The following TMEM132D variants were observed in gnomAD, a reference collection of about 807,000 sequenced individuals.
TMEM132D encodes mature OL transmembrane protein.
In TMEM132D, 21 loss-of-function variants were observed where a neutral mutation model predicts 62.3. The observed-to-expected ratio is 0.34, with a 90% CI of 0.24 to 0.49. The LOEUF (loss-of-function observed/expected upper bound fraction) is 0.49, where lower values mean the gene tolerates loss of function less well. Among genes scored for constraint, TMEM132D ranks in the 20% least tolerant of loss-of-function variants. TMEM132D has a pLI of 0.99. For synonymous variants in TMEM132D, 621 were observed against 575.6 expected, an observed-to-expected ratio of 1.08 and a Z score of -1.13; for missense variants, 1,346 against 1,402.8, an observed-to-expected ratio of 0.96 and a Z score of 0.65.
intron 2 of TMEM132D, among the ~76,000 whole-genome samples, chr12:129,548,609 T>C (rs954276425): frequency 5.9e-5 from 9 of 152,166 alleles, no homozygotes; most frequent in African/African-American, 2.2e-4. Flanking sequence ...TAGAACCAGC[T>C]ATCCAACATC....
chr12:129,334,532 A>G (rs1869213868), intron 4 of TMEM132D, among the ~76,000 whole-genome samples: 1 of 152,216 alleles, frequency 6.6e-6, no homozygotes, highest in South Asian at 2.1e-4. Flanking sequence ...GGTAGATCAG[A>G]CAGCAGTCTG....
intron 2 of TMEM132D, among the ~76,000 whole-genome samples, chr12:129,598,459 C>T (rs1878400727): frequency 6.6e-6 from 1 of 152,160 alleles, no homozygotes; most frequent in African/African-American, 2.4e-5. Flanking sequence ...AGCACGTTCC[C>T]AGCTCTACTG....
intron 1 of TMEM132D, among the ~76,000 whole-genome samples, chr12:129,750,169 T>C (rs1461123160): frequency 6.6e-6 from 1 of 152,102 alleles, no homozygotes; most frequent in Non-Finnish European, 1.5e-5. Flanking sequence ...CCCTGCATGC[T>C]CCACCTCCCA....
Position 129,230,304 on chromosome 12 carries a change from T to TGG in TMEM132D, c.1300-20643_1300-20642dup, listed in dbSNP as rs1355360825. ...TCCCCTTCCTAAACTCCTTCTGTGTTGGAGGGGGGGGGCTCCCCAGCCTGG... is the reference window on the plus strand; with the variant it reads ...TCCCCTTCCTAAACTCCTTCTGTGTTGGGGAGGGGGGGGGCTCCCCAGCCTGG... On this transcript the variant is annotated intron_variant, in intron 4 of 8. Transcript: ENST00000422113. Among the ~76,000 whole-genome samples the TGG allele has an allele frequency of 4.0e-4, 53 of 132,248 alleles. 1 individual carries two copies. The highest frequency in any genetic ancestry group is 1.5e-3 in the Admixed American group (21 of 13,824). 86.8% of individuals were successfully genotyped at this position (132,248 alleles called of 152,430 possible). A position where few individuals can be genotyped will look rare whatever the true frequency, so the allele number is the denominator to read the frequency against.
chr12:129,622,963 T>A (rs954969701), intron 2 of TMEM132D, among the ~76,000 whole-genome samples: 3 of 151,922 alleles, frequency 2.0e-5, no homozygotes, highest in African/African-American at 7.3e-5. Context: ...GGAGGTGGCA[T>A]CTCTCCAGAT....
chr12:129,108,173 G>T, intron 5 of TMEM132D, among the ~76,000 whole-genome samples: 1 of 152,116 alleles, frequency 6.6e-6, no homozygotes, highest in Non-Finnish European at 1.5e-5. Flanking sequence ...ACTGAGATCT[G>T]TGGCTCTAAA....
intron 4 of TMEM132D, among the ~76,000 whole-genome samples, chr12:129,210,675 T>C (rs1238543317): frequency 2.6e-5 from 4 of 152,190 alleles, no homozygotes; most frequent in East Asian, 1.9e-4. Context: ...CTAAGCTCCA[T>C]GGGGCTGTAT....
chr12:129,780,399 T>C (rs935293895), intron 1 of TMEM132D, among the ~76,000 whole-genome samples: 5 of 152,082 alleles, frequency 3.3e-5, no homozygotes, highest in African/African-American at 1.2e-4. Flanking sequence ...TATTTACCTT[T>C]TAAAATGGGA....
chr12:129,499,799 G>A (rs1294199107), intron 3 of TMEM132D, among the ~76,000 whole-genome samples: 1 of 152,182 alleles, frequency 6.6e-6, no homozygotes, highest in African/African-American at 2.4e-5. Context: ...AGAGTCATGG[G>A]GCGATTAAGG....
chr12:129,326,500 T>C (rs1868915708), intron 4 of TMEM132D, among the ~76,000 whole-genome samples: 1 of 152,228 alleles, frequency 6.6e-6, no homozygotes, highest in African/African-American at 2.4e-5. Context: ...GAAAATTATA[T>C]GAAATTAAAG....
intron 2 of TMEM132D, among the ~76,000 whole-genome samples, chr12:129,632,449 T>C (rs1269749757): frequency 6.6e-6 from 1 of 152,230 alleles, no homozygotes; most frequent in African/African-American, 2.4e-5. Flanking sequence ...TCTTTTTTGC[T>C]TCCTTCCTGT....
intron 3 of TMEM132D, among the ~76,000 whole-genome samples, chr12:129,461,412 A>T (rs1330033451): frequency 6.6e-6 from 1 of 152,158 alleles, no homozygotes; most frequent in African/African-American, 2.4e-5. Flanking sequence ...TAGCCCAGCC[A>T]CCTAAGAGGG....
At chr12:129,161,825 T>G (rs1460816720) in intron 5 of TMEM132D, among the ~76,000 whole-genome samples, 1 of 152,190 alleles carries the variant, frequency 6.6e-6, no homozygotes. Flanking sequence ...CGCTGTAGTC[T>G]TCTAAAGCAG....
At chr12:129,522,575 A>G (rs530322382) in intron 3 of TMEM132D, 4 of 152,260 alleles carry the variant, frequency 2.6e-5, no homozygotes, top group Admixed American at 2.6e-4. Context: ...GAAGGGACAG[A>G]CCCGAGACCG....
chr12:129,266,199 C>A (rs1436798680), intron 4 of TMEM132D, among the ~76,000 whole-genome samples: 1 of 152,134 alleles, frequency 6.6e-6, no homozygotes, highest in Non-Finnish European at 1.5e-5. Context: ...ATGTCTCCTG[C>A]CTCCTTGAAA....
intron 3 of TMEM132D, among the ~76,000 whole-genome samples, chr12:129,409,049 C>T (rs1476994509): frequency 2.0e-5 from 3 of 152,212 alleles, no homozygotes; most frequent in African/African-American, 7.2e-5. Flanking sequence ...TCTTTTGCCT[C>T]AGCCCCCCAA....
intron 2 of TMEM132D, among the ~76,000 whole-genome samples, chr12:129,583,219 C>CA (rs939943102): frequency 6.6e-5 from 10 of 152,090 alleles, no homozygotes; most frequent in Non-Finnish European, 1.2e-4. Flanking sequence ...TGGTAAGCCT[C>CA]AAAAAAATGT....
chr12:129,140,524 A>T (rs1163621644), intron 5 of TMEM132D, among the ~76,000 whole-genome samples: 1 of 151,866 alleles, frequency 6.6e-6, no homozygotes, highest in African/African-American at 2.4e-5. Flanking sequence ...TTTGTGTTTG[A>T]CTTCTTTCAC....
chr12:129,493,246 C>T (rs144404012), intron 3 of TMEM132D, among the ~76,000 whole-genome samples: 1 of 152,296 alleles, frequency 6.6e-6, no homozygotes, highest in East Asian at 1.9e-4. Flanking sequence ...TTACAGCTAC[C>T]ATTATTGACA....
Sources: allele counts gnomAD v4.1 joint callset (sites outside exome capture counted in the v4.1 genomes callset), GRCh38; gene constraint gnomAD v4.1.1; transcripts MANE v1.5; gene names NCBI Gene and HGNC (gene_info 2026-07-23, HGNC 2026-07-21).